Variants in ANO4 observed in about 807,000 individuals in gnomAD.
ANO4 encodes anoctamin 4.
A neutral mutation model predicts 141.9 loss-of-function variants in ANO4; 69 were observed. The observed-to-expected ratio is 0.49, with a 90% confidence interval of 0.40 to 0.59. The LOEUF is 0.59. Among genes scored for constraint, ANO4 ranks in the 20% least tolerant of loss-of-function variants. The probability of loss-of-function intolerance (pLI) is 0.00; values close to 1 mark genes in which losing one functional copy is unlikely to be tolerated. For missense variants in ANO4, 894 were observed against 1,162.2 expected (o/e 0.77, Z 3.36); for synonymous variants, 350 against 394.3 (o/e 0.89, Z 1.33).
chr12:100,834,570 A>T (rs1292904640), intron 1 of ANO4, among the ~76,000 whole-genome samples: 4 of 152,118 alleles, frequency 2.6e-5, no homozygotes, highest in South Asian at 4.1e-4. Context: ...ACCAACATTT[A>T]TCTGAGGTGC....
chr12:100,904,411 G>T (rs932272756), intron 2 of ANO4, among the ~76,000 whole-genome samples: 6 of 152,184 alleles, frequency 3.9e-5, no homozygotes, highest in African/African-American at 1.4e-4. Context: ...GAAAAAGTAG[G>T]GGAAGAGGGT....
intron 8 of ANO4, among the ~76,000 whole-genome samples, chr12:100,994,983 A>G (rs1011641455): frequency 2.0e-5 from 3 of 152,152 alleles, no homozygotes; most frequent in African/African-American, 7.2e-5. Context: ...ACATCCTGTA[A>G]TGCACCCAAC....
At chr12:100,944,743 C>T (rs2042656135) in intron 5 of ANO4, among the ~76,000 whole-genome samples, 1 of 152,116 alleles carries the variant, frequency 6.6e-6, no homozygotes, top group South Asian at 2.1e-4. Context: ...AGAAAAGGGC[C>T]TTTGCAGGTT....
chr12:100,824,555 C>G (rs886549696), intron 1 of ANO4, among the ~76,000 whole-genome samples: 1 of 152,002 alleles, frequency 6.6e-6, no homozygotes, highest in African/African-American at 2.4e-5. Context: ...GGTACAGTGT[C>G]ACATTAGCTG....
rs199976858 is a variant in ANO4 at position 101,126,915 on chromosome 12, C to G, written c.2713C>G (p.Leu905Val). Residue 905 changes from leucine (L) to valine (V), a missense_variant, in exon 27 of 28, where the codon CTG (leucine) becomes GTG (valine). By Grantham distance (32) the Leu-to-Val change is conservative. This residue lies in a region of ANO4 where 637 missense variants were observed against 909.2 expected (regional missense o/e 0.70). Transcript: ENST00000392977. Reference protein sequence around the residue: ...VFCIKHLISYLIPDLPKDLRD... With the variant: ...VFCIKHLISYVIPDLPKDLRD... ...TTGTATAAAGCACCTCATTTCATAT[C>G]TGATCCCAGACCTCCCAAAAGACCT... is the stretch of plus-strand genomic sequence containing the variant. The G allele has an allele frequency of 5.6e-6, 9 of 1,614,132 alleles. No homozygotes were observed. The highest frequency in any genetic ancestry group is 2.7e-5 in the African/African-American group (2 of 75,030).
chr12:100,725,343 C>CTTTTT (rs5800419), intron 1 of ANO4, among the ~76,000 whole-genome samples: 6 of 114,946 alleles, frequency 5.2e-5, no homozygotes, highest in Non-Finnish European at 1.0e-4. Context: ...AAATTGGTAT[C>CTTTTT]TTTTTTTTTT....
At chr12:101,116,834 G>T (rs376766921) in intron 25 of ANO4, 36 bp downstream of exon 25, 2 of 1,613,392 alleles carry the variant, frequency 1.2e-6, no homozygotes, top group Non-Finnish European at 1.7e-6. Flanking sequence ...TGCCTGAGCT[G>T]GGCTGGCTCC....
At chr12:100,935,843 A>T (rs1031182378) in intron 3 of ANO4, among the ~76,000 whole-genome samples, 3 of 152,218 alleles carry the variant, frequency 2.0e-5, no homozygotes, top group Admixed American at 6.5e-5. Flanking sequence ...GAATCAATGT[A>T]AGTTTGAATC....
At chr12:100,738,349 A>AT (rs2135462754) in intron 2 of ANO4, among the ~76,000 whole-genome samples, 2 of 152,280 alleles carry the variant, frequency 1.3e-5, no homozygotes, top group Non-Finnish European at 2.9e-5. Flanking sequence ...TTGCTTTTAA[A>AT]TTGAGACTCA....
intron 3 of ANO4, among the ~76,000 whole-genome samples, chr12:100,748,676 C>CA (rs2135490949): frequency 6.6e-6 from 1 of 152,282 alleles, no homozygotes; most frequent in African/African-American, 2.4e-5. Context: ...TGATGATTGG[C>CA]ATAGTTGAAT....
intron 1 of ANO4, among the ~76,000 whole-genome samples, chr12:100,889,556 AC>A (rs2040005669): frequency 6.6e-6 from 1 of 152,176 alleles, no homozygotes; most frequent in Non-Finnish European, 1.5e-5. Context: ...GAAAAAAACA[AC>A]CCCCTCGAAT....
At chr12:100,891,920 C>A (rs1275301197) in intron 1 of ANO4, among the ~76,000 whole-genome samples, 2 of 152,086 alleles carry the variant, frequency 1.3e-5, no homozygotes, top group Non-Finnish European at 2.9e-5. Context: ...CTGAGCTCCA[C>A]CCCCCAGCTT....
intron 3 of ANO4, among the ~76,000 whole-genome samples, chr12:100,779,136 C>T (rs2033632694): frequency 6.6e-6 from 1 of 152,156 alleles, no homozygotes; most frequent in South Asian, 2.1e-4. Context: ...CCACCAACCC[C>T]CAGAGAGTGT....
upstream of ANO4, chr12:100,717,515 C>T (rs1363872952): frequency 5.0e-6 from 2 of 399,122 alleles, no homozygotes; most frequent in Non-Finnish European, 8.9e-6. Flanking sequence ...CTGGGCAGGA[C>T]GCGGGCCAGG....
At chr12:100,868,620 A>G (rs1295457690) in intron 1 of ANO4, among the ~76,000 whole-genome samples, 1 of 151,782 alleles carries the variant, frequency 6.6e-6, no homozygotes, top group Non-Finnish European at 1.5e-5. Flanking sequence ...CCCCCATCCC[A>G]TTTTCCAGGC....
chr12:100,811,915 A>G (rs1161695106), intron 1 of ANO4, among the ~76,000 whole-genome samples: 1 of 152,140 alleles, frequency 6.6e-6, no homozygotes, highest in Admixed American at 6.6e-5. Flanking sequence ...CATAGTTAGC[A>G]CTAACTGGCC....
At chr12:101,073,421 G>A (rs78382580) in intron 14 of ANO4, among the ~76,000 whole-genome samples, 4,559 of 152,094 alleles carry the variant, frequency 0.03, 242 homozygotes, top group African/African-American at 0.1. Context: ...AAGGCATGTC[G>A]TGGGGTGGGG....
At chr12:101,095,424 G>A (rs997871256) in intron 18 of ANO4, among the ~76,000 whole-genome samples, 3 of 152,166 alleles carry the variant, frequency 2.0e-5, no homozygotes, top group African/African-American at 4.8e-5. Flanking sequence ...GGACACCTGG[G>A]AACCTAGCTG....
intron 1 of ANO4, among the ~76,000 whole-genome samples, chr12:100,866,945 T>C (rs367805835): frequency 9.8e-5 from 15 of 152,342 alleles, no homozygotes; most frequent in African/African-American, 3.1e-4. Flanking sequence ...TCTCCTCTCC[T>C]AGCTCCCACT....
Sources: allele counts gnomAD v4.1 joint callset (sites outside exome capture counted in the v4.1 genomes callset), GRCh38; gene constraint gnomAD v4.1.1; regional missense constraint gnomAD v4.1.1; transcripts MANE v1.5; gene names NCBI Gene and HGNC (gene_info 2026-07-23, HGNC 2026-07-21).